The following KSR2 variants were observed in gnomAD, a reference collection of about 807,000 sequenced individuals.
KSR2 encodes the protein kinase suppressor of ras 2.
In KSR2, 25 loss-of-function variants were observed where a neutral mutation model predicts 107.8. The ratio of observed to expected loss-of-function variants is 0.23; its 90% CI spans 0.17 to 0.32. KSR2 has a LOEUF of 0.32. Ranked by LOEUF, KSR2 falls within the 10% of genes least tolerant of loss-of-function variation. The probability of loss-of-function intolerance (pLI) is 1.00; values close to 1 mark genes in which losing one functional copy is unlikely to be tolerated. For synonymous variants in KSR2, 480 were observed against 507.0 expected (o/e 0.95, Z 0.71); for missense variants, 887 against 1,268.9 (o/e 0.70, Z 4.57).
At chr12:117,769,566 A>G (rs541091982) in intron 3 of KSR2, among the ~76,000 whole-genome samples, 72 of 152,350 alleles carry the variant, frequency 4.7e-4, no homozygotes, top group Admixed American at 2.8e-3. Flanking sequence ...GCTTTCCCCC[A>G]TGATTGCTCT....
intron 3 of KSR2, among the ~76,000 whole-genome samples, chr12:117,844,200 C>A (rs1796146864): frequency 6.6e-6 from 1 of 151,970 alleles, no homozygotes; most frequent in Non-Finnish European, 1.5e-5. Context: ...CAACTGAACA[C>A]CCACTCAACA....
intron 4 of KSR2, among the ~76,000 whole-genome samples, chr12:117,708,572 C>T (rs146220186): frequency 1.4e-4 from 22 of 152,318 alleles, no homozygotes; most frequent in African/African-American, 5.1e-4. Flanking sequence ...GAAGGATTCA[C>T]ACCCCCAGCT....
intron 9 of KSR2, among the ~76,000 whole-genome samples, chr12:117,554,767 T>G (rs890823440): frequency 6.6e-6 from 1 of 152,180 alleles, no homozygotes; most frequent in African/African-American, 2.4e-5. Context: ...ATGAAACCTC[T>G]TTTTCTTTAT....
intron 3 of KSR2, among the ~76,000 whole-genome samples, chr12:117,816,044 G>C (rs528656951): frequency 0.023 from 3,430 of 148,620 alleles, 52 homozygotes; most frequent in Middle Eastern, 0.059. Context: ...TGTGTGTTGG[G>C]GAGGTGAGAA....
chr12:117,885,264 T>C (rs1894142004), intron 1 of KSR2, among the ~76,000 whole-genome samples: 1 of 152,272 alleles, frequency 6.6e-6, no homozygotes, highest in East Asian at 1.9e-4. Flanking sequence ...ATTTATTGAG[T>C]GCTTTCTACG....
chr12:117,906,062 G>C (rs200532599), intron 1 of KSR2, among the ~76,000 whole-genome samples: 1 of 150,888 alleles, frequency 6.6e-6, no homozygotes, highest in African/African-American at 2.4e-5. Context: ...TAAAAAAACC[G>C]CTTGCCAGCC....
chr12:117,616,133 C>T (rs939229955), intron 5 of KSR2, among the ~76,000 whole-genome samples: 2 of 147,052 alleles, frequency 1.4e-5, no homozygotes, highest in Non-Finnish European at 3.0e-5. Flanking sequence ...TGCACTTTAG[C>T]CTGGGTGACA....
chr12:117,879,292 G>C (rs919864498), intron 1 of KSR2, among the ~76,000 whole-genome samples: 2 of 152,146 alleles, frequency 1.3e-5, no homozygotes, highest in African/African-American at 4.8e-5. Context: ...GTTAGAGTAA[G>C]AGTTCACCTT....
In KSR2 at chr12:117,454,660, T is replaced by C. The variant is rs1053899233; in HGVS notation, c.*12539A>G. ...AATGTTTAGTTAGAGACCCTCAGTG[T>C]AGGGTCTTTCCATAAATACATTTCC... On this transcript the variant is annotated 3_prime_UTR_variant, in exon 20 of 20. Coordinates refer to ENST00000339824, the MANE Select transcript of KSR2 (RefSeq NM_173598.6). 4 of 152,234 alleles carry C rather than the reference T, an allele frequency of 2.6e-5. No homozygotes were observed. Among genetic ancestry groups the C allele is most frequent in the Non-Finnish European group, 5.9e-5 (4 of 68,048 alleles). 9.4% of individuals were successfully genotyped at this position (152,234 alleles called of 1,614,324 possible).
intron 10 of KSR2, among the ~76,000 whole-genome samples, chr12:117,538,294 G>A (rs984829066): frequency 3.0e-4 from 45 of 152,320 alleles, no homozygotes; most frequent in African/African-American, 1.0e-3. Flanking sequence ...GTGGATATGA[G>A]GCTGTTAAAT....
chr12:117,933,097 C>T (rs913722253), intron 1 of KSR2, among the ~76,000 whole-genome samples: 1 of 152,046 alleles, frequency 6.6e-6, no homozygotes, highest in Non-Finnish European at 1.5e-5. Context: ...GGGGTTCTTC[C>T]CAATGTTAGC....
chr12:117,707,187 CA>C (rs1481612445), intron 4 of KSR2, among the ~76,000 whole-genome samples: 3 of 151,924 alleles, frequency 2.0e-5, no homozygotes, highest in Non-Finnish European at 4.4e-5. Flanking sequence ...TGGGCAAATC[CA>C]CAGAGACAGC....
intron 3 of KSR2, among the ~76,000 whole-genome samples, chr12:117,763,654 G>C (rs1001848273): frequency 1.8e-4 from 28 of 152,224 alleles, no homozygotes; most frequent in African/African-American, 6.8e-4. Flanking sequence ...CAGACTGCCA[G>C]GTCTGTGGGC....
chr12:117,727,760 G>T (rs2136711158), intron 4 of KSR2, among the ~76,000 whole-genome samples: 1 of 152,306 alleles, frequency 6.6e-6, no homozygotes, highest in South Asian at 2.1e-4. Context: ...GAATTCTGTT[G>T]TTTTAAGTCA....
At chr12:117,535,044 G>A (rs1222122914) in intron 10 of KSR2, among the ~76,000 whole-genome samples, 1 of 152,150 alleles carries the variant, frequency 6.6e-6, no homozygotes, top group East Asian at 1.9e-4. Context: ...CAAAGTATGT[G>A]GTCATTTGTT....
intron 3 of KSR2, among the ~76,000 whole-genome samples, chr12:117,838,521 C>A (rs1284561407): frequency 6.6e-6 from 1 of 152,170 alleles, no homozygotes; most frequent in African/African-American, 2.4e-5. Flanking sequence ...TGAGCACAAG[C>A]TCTACCAGGT....
At chr12:117,855,614 A>T (rs985665293) in intron 2 of KSR2, 36 bp from the exon 3 acceptor site, 2 of 1,610,514 alleles carry the variant, frequency 1.2e-6, no homozygotes, top group Non-Finnish European at 1.7e-6. Flanking sequence ...ACCGTGGGGC[A>T]GGAACAGCAT....
At chr12:117,491,987 A>G (rs1392474771) in intron 14 of KSR2, among the ~76,000 whole-genome samples, 1 of 152,228 alleles carries the variant, frequency 6.6e-6, no homozygotes, top group African/African-American at 2.4e-5. Context: ...TAGTGGCTCA[A>G]TAGTGTATTT....
At chr12:117,943,032 G>C (rs1896058570) in intron 1 of KSR2, among the ~76,000 whole-genome samples, 1 of 151,982 alleles carries the variant, frequency 6.6e-6, no homozygotes, top group Non-Finnish European at 1.5e-5. Flanking sequence ...ACTTTTCAGG[G>C]GAAATGAGGA....
Sources: allele counts gnomAD v4.1 joint callset (sites outside exome capture counted in the v4.1 genomes callset), GRCh38; gene constraint gnomAD v4.1.1; transcripts MANE v1.5; gene names NCBI Gene and HGNC (gene_info 2026-07-23, HGNC 2026-07-21).